MCHR2: variants seen among roughly 807,000 people sequenced by gnomAD.
MCHR2 encodes the protein melanin-concentrating hormone receptor 2.
A neutral mutation model predicts 24.8 loss-of-function variants in MCHR2; 15 were observed. That is an observed-to-expected ratio of 0.60 (90% CI 0.40 to 0.93). The LOEUF (loss-of-function observed/expected upper bound fraction) is 0.93. MCHR2 is among the 40% of genes least tolerant of loss of function. The probability of loss-of-function intolerance (pLI) is 0.00; values close to 1 mark genes in which losing one functional copy is unlikely to be tolerated. For synonymous variants in MCHR2, 151 were observed against 147.6 expected (o/e 1.02, Z -0.17); for missense variants, 386 against 408.7 (o/e 0.94, Z 0.48).
intron 4 of MCHR2, among the ~76,000 whole-genome samples, chr6:99,939,668 G>A (rs1324955029): frequency 6.6e-6 from 1 of 151,406 alleles, no homozygotes; most frequent in Non-Finnish European, 1.5e-5. Flanking sequence ...TTTTATCCAG[G>A]GGTTTCATAC....
At chr6:99,990,865 C>G (rs1775860221) in intron 1 of MCHR2, among the ~76,000 whole-genome samples, 1 of 150,258 alleles carries the variant, frequency 6.7e-6, no homozygotes, top group South Asian at 2.2e-4. Flanking sequence ...TCCTTCCCAC[C>G]CTGATGATCA....
At chr6:99,984,488 T>G (rs1775735308) in intron 1 of MCHR2, among the ~76,000 whole-genome samples, 1 of 151,938 alleles carries the variant, frequency 6.6e-6, no homozygotes. Flanking sequence ...TGTTTAATTT[T>G]ACACACTACT....
intron 4 of MCHR2, among the ~76,000 whole-genome samples, chr6:99,934,956 G>A (rs1227994323): frequency 6.6e-6 from 1 of 152,038 alleles, no homozygotes. Flanking sequence ...GAGGGGTCAA[G>A]TGGCTTGCCC....
chr6:99,970,866 G>T (rs1466566192), intron 1 of MCHR2, among the ~76,000 whole-genome samples: 1 of 152,130 alleles, frequency 6.6e-6, no homozygotes, highest in South Asian at 2.1e-4. Flanking sequence ...AAAATCAGAT[G>T]GTTGTAGATA....
At chr6:99,956,430 C>T (rs1775062254) in intron 1 of MCHR2, among the ~76,000 whole-genome samples, 1 of 152,070 alleles carries the variant, frequency 6.6e-6, no homozygotes, top group East Asian at 1.9e-4. Context: ...TCTTACTGTA[C>T]TATATGCTTT....
intron 1 of MCHR2, among the ~76,000 whole-genome samples, 188 bp downstream of exon 1, chr6:99,993,748 G>A (rs1775932337): frequency 6.6e-6 from 1 of 152,104 alleles, no homozygotes; most frequent in Non-Finnish European, 1.5e-5. Flanking sequence ...TGCCTCCACA[G>A]AGCCAAACTT....
chr6:99,932,213 C>T (rs1296148722), intron 5 of MCHR2, among the ~76,000 whole-genome samples: 5 of 152,206 alleles, frequency 3.3e-5, no homozygotes, highest in Middle Eastern at 6.8e-3. Context: ...AAGTTCAAAG[C>T]TGGAACATTT....
chr6:99,987,665 C>T (rs1775794538), intron 1 of MCHR2, among the ~76,000 whole-genome samples: 1 of 152,078 alleles, frequency 6.6e-6, no homozygotes, highest in Admixed American at 6.6e-5. Context: ...TATGCTTTAA[C>T]TACACTGAAA....
chr6:99,972,491 G>T (rs1022960087), intron 1 of MCHR2, among the ~76,000 whole-genome samples: 5 of 151,932 alleles, frequency 3.3e-5, no homozygotes, highest in African/African-American at 1.2e-4. Flanking sequence ...TATCAATTTT[G>T]TTGATCCTTT....
intron 4 of MCHR2, among the ~76,000 whole-genome samples, chr6:99,936,645 T>A (rs1039266747): frequency 5.3e-5 from 8 of 152,076 alleles, no homozygotes; most frequent in South Asian, 2.1e-4. Context: ...CTTTGTTCTT[T>A]ACCTCAGGAT....
At chr6:99,983,111 C>T (rs1775701748) in intron 1 of MCHR2, among the ~76,000 whole-genome samples, 1 of 148,410 alleles carries the variant, frequency 6.7e-6, no homozygotes, top group Non-Finnish European at 1.5e-5. Flanking sequence ...CAGGAGGGCA[C>T]CACCATGCCC....
intron 1 of MCHR2, among the ~76,000 whole-genome samples, chr6:99,970,505 G>T (rs1775386482): frequency 6.6e-6 from 1 of 152,050 alleles, no homozygotes; most frequent in South Asian, 2.1e-4. Flanking sequence ...CTCCCATTTT[G>T]TAGGTTGCCT....
intron 5 of MCHR2, among the ~76,000 whole-genome samples, chr6:99,923,603 G>T (rs1582364729): frequency 6.6e-6 from 1 of 152,036 alleles, no homozygotes; most frequent in South Asian, 2.1e-4. Context: ...ATCATAAAGA[G>T]ATGTTGAATT....
intron 1 of MCHR2, among the ~76,000 whole-genome samples, chr6:99,963,403 G>C (rs1267097763): frequency 1.3e-5 from 2 of 152,090 alleles, no homozygotes; most frequent in Non-Finnish European, 2.9e-5. Flanking sequence ...AAATAAGTCA[G>C]TCACAGAAGG....
At chr6:99,978,157 G>A (rs1775591117) in intron 1 of MCHR2, among the ~76,000 whole-genome samples, 1 of 152,186 alleles carries the variant, frequency 6.6e-6, no homozygotes, top group African/African-American at 2.4e-5. Context: ...CACTTGATTA[G>A]CAGCATTTCA....
intron 1 of MCHR2, among the ~76,000 whole-genome samples, chr6:99,992,160 G>A (rs987337583): frequency 6.6e-6 from 1 of 152,238 alleles, no homozygotes; most frequent in Non-Finnish European, 1.5e-5. Flanking sequence ...TCAGGGCACA[G>A]GGACATTTTC....
At chr6:99,929,957 G>T (rs1774474558) in intron 5 of MCHR2, among the ~76,000 whole-genome samples, 1 of 150,476 alleles carries the variant, frequency 6.6e-6, no homozygotes, top group Non-Finnish European at 1.5e-5. Context: ...AATTTTGCAT[G>T]ATTTTGCAGT....
intron 1 of MCHR2, among the ~76,000 whole-genome samples, chr6:99,958,788 A>C (rs985706757): frequency 6.6e-6 from 1 of 152,180 alleles, no homozygotes; most frequent in Admixed American, 6.6e-5. Context: ...GATCGGGGGA[A>C]ACTTCCAGCT....
In MCHR2 at chr6:99,919,734, G is replaced by GT. The variant is rs397774561; in HGVS notation, c.*1205dup. Among the ~76,000 whole-genome samples, 52,106 of 140,598 alleles carry GT rather than the reference G, an allele frequency of 0.37. 10,183 individuals carry two copies. Among genetic ancestry groups the GT allele is most frequent in the Admixed American group, 0.46 (6,350 of 13,804 alleles). The allele number at this position is 140,598 out of a possible 152,430, so 92.2% of individuals were successfully genotyped here. A position where few individuals can be genotyped will look rare whatever the true frequency, so the allele number is the denominator to read the frequency against. On this transcript the variant is annotated 3_prime_UTR_variant, in exon 6 of 6. Coordinates refer to ENST00000281806, the MANE Select transcript of MCHR2 (RefSeq NM_001040179.2). ...TCTTGTTTTTTTTTTTGTTTGTTTT[G>GT]TTTTTTTTTTTGAGATGACGTCTCA...
Sources: allele counts gnomAD v4.1 joint callset (sites outside exome capture counted in the v4.1 genomes callset), GRCh38; gene constraint gnomAD v4.1.1; transcripts MANE v1.5; gene names NCBI Gene and HGNC (gene_info 2026-07-23, HGNC 2026-07-21).